The following ASIC2 variants were observed in gnomAD, a reference collection of about 807,000 sequenced individuals.
ASIC2 encodes acid-sensing ion channel 2.
ASIC2 carries 25 observed loss-of-function variants against 57.3 expected under a neutral mutation model. That is an observed-to-expected ratio of 0.44 (90% confidence interval 0.32 to 0.61). The LOEUF is 0.61. Ranked by LOEUF, ASIC2 falls within the 20% of genes least tolerant of loss-of-function variation. The pLI is 0.06. For synonymous variants in ASIC2, 319 were observed against 307.5 expected, an observed-to-expected ratio of 1.04 and a Z score of -0.39; for missense variants, 641 against 738.1, an observed-to-expected ratio of 0.87 and a Z score of 1.52.
At chr17:34,044,435 A>G (rs1173871608) in intron 1 of ASIC2, among the ~76,000 whole-genome samples, 2 of 152,226 alleles carry the variant, frequency 1.3e-5, no homozygotes. Flanking sequence ...TGCAAATAGG[A>G]TGCGGCTGTG....
chr17:33,179,446 T>C (rs16968117), intron 1 of ASIC2, among the ~76,000 whole-genome samples: 40,205 of 152,144 alleles, frequency 0.26, 7,801 homozygotes, highest in African/African-American at 0.53. Context: ...ATCACAATGT[T>C]GTCAAAAGGA....
chr17:33,497,626 C>A (rs916665053), intron 1 of ASIC2, among the ~76,000 whole-genome samples: 1 of 152,186 alleles, frequency 6.6e-6, no homozygotes, highest in South Asian at 2.1e-4. Flanking sequence ...ATCCTGCCCC[C>A]ACTAGGGCAG....
At chr17:33,302,806 C>T (rs1906013669) in intron 1 of ASIC2, among the ~76,000 whole-genome samples, 2 of 152,172 alleles carry the variant, frequency 1.3e-5, no homozygotes, top group South Asian at 4.1e-4. Context: ...AGGAAGTTAA[C>T]ACAGAGTACA....
At chr17:34,012,316 G>A (rs1480076962) in intron 1 of ASIC2, among the ~76,000 whole-genome samples, 2 of 152,164 alleles carry the variant, frequency 1.3e-5, no homozygotes, top group African/African-American at 4.8e-5. Context: ...GAAGGATGCA[G>A]TCCCAGCATC....
intron 1 of ASIC2, among the ~76,000 whole-genome samples, chr17:33,135,432 A>G (rs2092363718): frequency 6.6e-6 from 1 of 152,126 alleles, no homozygotes. Flanking sequence ...TATCTATTAT[A>G]GGGTGGAATT....
At chr17:33,799,373 T>TCTTTCTTC (rs1346539770) in intron 1 of ASIC2, among the ~76,000 whole-genome samples, 1 of 113,014 alleles carries the variant, frequency 8.8e-6, no homozygotes, top group East Asian at 3.1e-4. Flanking sequence ...TTTCTTTCTT[T>TCTTTCTTC]CTTCCTTTCT....
At chr17:33,522,381 C>T (rs1465744708) in intron 1 of ASIC2, among the ~76,000 whole-genome samples, 1 of 152,204 alleles carries the variant, frequency 6.6e-6, no homozygotes, top group Non-Finnish European at 1.5e-5. Context: ...AGCTGAAGGC[C>T]CACCGGCTCC....
intron 1 of ASIC2, among the ~76,000 whole-genome samples, chr17:33,167,672 T>C (rs1304526060): frequency 6.6e-6 from 1 of 152,232 alleles, no homozygotes; most frequent in Non-Finnish European, 1.5e-5. Flanking sequence ...ATTCAAGGTC[T>C]TAACCCAATA....
At chr17:34,142,775 A>G (rs573422549) in intron 1 of ASIC2, among the ~76,000 whole-genome samples, 1 of 152,332 alleles carries the variant, frequency 6.6e-6, no homozygotes, top group African/African-American at 2.4e-5. Flanking sequence ...CTATAAAGTT[A>G]TCATTTCTTC....
chr17:33,214,166 C>G (rs1196103461), intron 1 of ASIC2, among the ~76,000 whole-genome samples: 2 of 152,196 alleles, frequency 1.3e-5, no homozygotes, highest in East Asian at 3.8e-4. Flanking sequence ...ATCCCTGGCT[C>G]CCATCTGAGG....
At chr17:33,024,047 G>C (rs779668209) in intron 5 of ASIC2, 33 bp from the exon 6 acceptor site, 1 of 1,612,776 alleles carries the variant, frequency 6.2e-7, no homozygotes, top group Non-Finnish European at 8.5e-7. Flanking sequence ...GCTTAGTCAG[G>C]TGTGGGCACT....
At chr17:33,321,714 A>G (rs747561930) in intron 1 of ASIC2, among the ~76,000 whole-genome samples, 6 of 152,196 alleles carry the variant, frequency 3.9e-5, no homozygotes, top group Non-Finnish European at 7.3e-5. Context: ...CCCTGTATCA[A>G]ATTTTTGGTA....
chr17:33,375,189 G>A (rs184415894), intron 1 of ASIC2, among the ~76,000 whole-genome samples: 1 of 152,150 alleles, frequency 6.6e-6, no homozygotes, highest in Admixed American at 6.5e-5. Flanking sequence ...GGGGGTGTTT[G>A]CTCTCTTATC....
intron 1 of ASIC2, among the ~76,000 whole-genome samples, chr17:33,772,845 T>A (rs1911155796): frequency 6.6e-6 from 1 of 152,200 alleles, no homozygotes; most frequent in Non-Finnish European, 1.5e-5. Context: ...CTGTGTGGTC[T>A]TGTTGAAATT....
intron 1 of ASIC2, among the ~76,000 whole-genome samples, chr17:33,177,723 G>A: frequency 6.6e-6 from 1 of 152,148 alleles, no homozygotes; most frequent in East Asian, 1.9e-4. Flanking sequence ...TGCTCCTGGA[G>A]GAATCAATGC....
chr17:33,218,443 A>T (rs1015658081), intron 1 of ASIC2, among the ~76,000 whole-genome samples: 3 of 152,190 alleles, frequency 2.0e-5, no homozygotes, highest in African/African-American at 7.2e-5. Context: ...TGGAACTCAA[A>T]GTCTGTTGGG....
intron 1 of ASIC2, among the ~76,000 whole-genome samples, chr17:33,416,034 C>T (rs1264211281): frequency 6.6e-6 from 1 of 152,176 alleles, no homozygotes; most frequent in Non-Finnish European, 1.5e-5. Flanking sequence ...TATCAGGCAG[C>T]ACCTCTGGGC....
intron 1 of ASIC2, among the ~76,000 whole-genome samples, chr17:33,921,200 T>C (rs1386692379): frequency 6.6e-6 from 1 of 152,196 alleles, no homozygotes; most frequent in Non-Finnish European, 1.5e-5. Flanking sequence ...GAGTCTAGAC[T>C]CTTCACTTAC....
chr17:33,213,433 C>T (rs1358801351), intron 1 of ASIC2, among the ~76,000 whole-genome samples: 3 of 152,120 alleles, frequency 2.0e-5, no homozygotes, highest in Non-Finnish European at 2.9e-5. Context: ...CCAGAACTCT[C>T]AGAGTTTTCA....
Sources: gnomAD v4.1 joint callset for allele counts (sites outside exome capture counted in the v4.1 genomes callset) on GRCh38, gnomAD v4.1.1 for gene constraint, MANE v1.5 for transcripts, NCBI Gene and HGNC (gene_info 2026-07-23, HGNC 2026-07-21) for gene names.